The following GRIN2A variants were observed in gnomAD, a reference collection of about 807,000 sequenced individuals.
GRIN2A encodes the protein glutamate ionotropic receptor NMDA type subunit 2A.
A neutral mutation model predicts 113.4 loss-of-function variants in GRIN2A; 22 were observed. The observed-to-expected ratio is 0.19, with a 90% CI of 0.14 to 0.28. The LOEUF is 0.28. GRIN2A is among the 10% of genes least tolerant of loss of function. GRIN2A has a pLI of 1.00. For missense variants in GRIN2A, 1,502 were observed against 1,887.0 expected (o/e 0.80, Z 3.78); for synonymous variants, 827 against 738.4 (o/e 1.12, Z -1.94).
chr16:9,898,893 C>T (rs2043861176), intron 3 of GRIN2A, among the ~76,000 whole-genome samples: 1 of 150,190 alleles, frequency 6.7e-6, no homozygotes, highest in South Asian at 2.1e-4. Context: ...CTTCCATTAA[C>T]TATTCCCTCA....
At chr16:10,112,406 G>A in intron 2 of GRIN2A, 1 of 712,268 alleles carries the variant, frequency 1.4e-6, no homozygotes, top group Non-Finnish European at 2.6e-6. Context: ...GTCAGCCCCA[G>A]GGCACTGCTG....
chr16:9,777,868 G>A (rs539355414), intron 11 of GRIN2A, among the ~76,000 whole-genome samples: 2 of 152,136 alleles, frequency 1.3e-5, no homozygotes, highest in African/African-American at 2.4e-5. Context: ...GTTTGAGACC[G>A]GCCTGGCCAA....
chr16:9,835,837 C>T (rs759883066), intron 7 of GRIN2A, among the ~76,000 whole-genome samples: 12 of 152,020 alleles, frequency 7.9e-5, no homozygotes, highest in Non-Finnish European at 1.3e-4. Flanking sequence ...CTAATATGTC[C>T]GAACTTAACT....
chr16:9,802,352 C>G (rs1903414676), intron 10 of GRIN2A, among the ~76,000 whole-genome samples: 7 of 152,168 alleles, frequency 4.6e-5, no homozygotes, highest in Admixed American at 4.6e-4. Context: ...GAATACTATG[C>G]AGCCATGACA....
At chr16:9,917,230 G>C (rs2044270358) in intron 3 of GRIN2A, among the ~76,000 whole-genome samples, 1 of 152,106 alleles carries the variant, frequency 6.6e-6, no homozygotes, top group South Asian at 2.1e-4. Context: ...CCCCATATCT[G>C]CCCTTCACAG....
At chr16:9,919,584 A>G (rs1000723128) in intron 3 of GRIN2A, among the ~76,000 whole-genome samples, 1 of 152,218 alleles carries the variant, frequency 6.6e-6, no homozygotes, top group Non-Finnish European at 1.5e-5. Flanking sequence ...GCTGGTGTCT[A>G]ACAGGAGATG....
Position 9,757,484 on chromosome 16 carries a change from GT to G in GRIN2A, c.*5664del. 4.4e-6 allele frequency: 1 copy of G among 228,830 alleles called. No individual in the cohort carries two copies. Among genetic ancestry groups the G allele is most frequent in the African/African-American group, 2.2e-5 (1 of 44,930 alleles). The allele number at this position is 228,830 out of a possible 1,614,324, so 14.2% of individuals were successfully genotyped here. On this transcript the variant is annotated 3_prime_UTR_variant, in exon 13 of 13. Transcript: ENST00000330684. ...TCTGTTTGCATTGCATGGGTCCTTG[GT>G]TATCCTTTGTATTAGAGAACTGAAC...
intron 2 of GRIN2A, among the ~76,000 whole-genome samples, chr16:9,950,257 C>T (rs2045145267): frequency 6.6e-6 from 1 of 152,216 alleles, no homozygotes; most frequent in Admixed American, 6.5e-5. Flanking sequence ...CTCTAGCCCA[C>T]TCCCAAGCCC....
intron 2 of GRIN2A, among the ~76,000 whole-genome samples, chr16:10,081,859 C>T (rs1209573934): frequency 7.9e-5 from 12 of 152,268 alleles, no homozygotes; most frequent in East Asian, 1.9e-4. Context: ...CCCTACTCTC[C>T]ATTTTCAGAT....
At chr16:10,045,640 C>T (rs1054361069) in intron 2 of GRIN2A, among the ~76,000 whole-genome samples, 1 of 152,214 alleles carries the variant, frequency 6.6e-6, no homozygotes, top group African/African-American at 2.4e-5. Context: ...CTGGCCATGG[C>T]ACTGTCTGAC....
intron 8 of GRIN2A, among the ~76,000 whole-genome samples, chr16:9,832,984 G>A (rs1028919460): frequency 6.6e-6 from 1 of 152,170 alleles, no homozygotes; most frequent in African/African-American, 2.4e-5. Flanking sequence ...AAAAGAATAT[G>A]TATCCATCAC....
At chr16:10,131,531 T>G (rs1056133321) in intron 2 of GRIN2A, among the ~76,000 whole-genome samples, 2 of 151,812 alleles carry the variant, frequency 1.3e-5, no homozygotes, top group South Asian at 4.2e-4. Context: ...AGAGAGCACC[T>G]CTGCTCTCGG....
chr16:10,044,748 T>C (rs926589390), intron 2 of GRIN2A, among the ~76,000 whole-genome samples: 1 of 151,614 alleles, frequency 6.6e-6, no homozygotes, highest in Non-Finnish European at 1.5e-5. Flanking sequence ...TTATGACAGC[T>C]CTCATCCCAC....
At chr16:10,035,985 A>C (rs565805410) in intron 2 of GRIN2A, among the ~76,000 whole-genome samples, 14 of 152,310 alleles carry the variant, frequency 9.2e-5, no homozygotes, top group African/African-American at 2.9e-4. Context: ...GGGCCTCCCA[A>C]AGTGGTGGGA....
At chr16:10,179,425 C>T (rs1002507779) in intron 2 of GRIN2A, 1 of 162,246 alleles carries the variant, frequency 6.2e-6, no homozygotes, top group Non-Finnish European at 1.4e-5. Context: ...AAACTCCCCA[C>T]CTCTGTTCCT....
At chr16:10,121,319 G>C (rs572048559) in intron 2 of GRIN2A, 1 of 152,344 alleles carries the variant, frequency 6.6e-6, no homozygotes, top group African/African-American at 2.4e-5. Context: ...CTGGGGGAAA[G>C]TCACCTACCT....
chr16:10,099,694 C>G (rs2048356513), intron 2 of GRIN2A, among the ~76,000 whole-genome samples: 1 of 152,198 alleles, frequency 6.6e-6, no homozygotes, highest in East Asian at 1.9e-4. Context: ...ATAAAGGTAA[C>G]TCACTTCAAA....
At position 9,957,944 on chromosome 16, in the gene GRIN2A, C is replaced by G. The variant is rs867399384; in HGVS notation, c.415-19393G>C. Among the ~76,000 whole-genome samples, 27 of 152,294 alleles carry G rather than the reference C, an allele frequency of 1.8e-4. No homozygotes were observed. The Middle Eastern group carries it at 0.01, about 58-fold the overall frequency. ...TGATATGAAGGGCTTCCCCAAAGAA[C>G]ACGGTTGGCTTGTTTTCCATGTTGA... On this transcript the variant is annotated intron_variant, in intron 2 of 12. Transcript: ENST00000330684.
intron 2 of GRIN2A, among the ~76,000 whole-genome samples, chr16:10,088,632 C>T (rs1276824258): frequency 2.6e-5 from 4 of 152,210 alleles, no homozygotes; most frequent in Non-Finnish European, 4.4e-5. Context: ...AGAAATGTTT[C>T]CTCCCTAGAG....
Sources: allele counts gnomAD v4.1 joint callset (sites outside exome capture counted in the v4.1 genomes callset), GRCh38; gene constraint gnomAD v4.1.1; transcripts MANE v1.5; gene names NCBI Gene and HGNC (gene_info 2026-07-23, HGNC 2026-07-21).